CTNNA2: variants seen among roughly 807,000 people sequenced by gnomAD.
The protein encoded by CTNNA2 is catenin alpha-2.
In CTNNA2, 42 loss-of-function variants were observed where a neutral mutation model predicts 101.0. The ratio of observed to expected loss-of-function variants is 0.42; its 90% confidence interval spans 0.32 to 0.54. The LOEUF is 0.54. CTNNA2 is among the 20% of genes least tolerant of loss of function. The pLI is 0.14. For synonymous variants in CTNNA2, 450 were observed against 456.4 expected (o/e 0.99, Z 0.18); for missense variants, 871 against 1,223.1 (o/e 0.71, Z 4.29).
At chr2:80,194,223 A>G (rs1706694622) in intron 7 of CTNNA2, among the ~76,000 whole-genome samples, 1 of 152,206 alleles carries the variant, frequency 6.6e-6, no homozygotes, top group Admixed American at 6.5e-5. Flanking sequence ...GTATAAGTCA[A>G]CATACTAAAT....
chr2:79,885,253 C>T (rs745398845), intron 6 of CTNNA2, among the ~76,000 whole-genome samples: 9 of 152,154 alleles, frequency 5.9e-5, no homozygotes, highest in Non-Finnish European at 1.0e-4. Flanking sequence ...AGGAGATCTA[C>T]ACTGAAGGCT....
intron 9 of CTNNA2, among the ~76,000 whole-genome samples, chr2:80,467,134 G>A (rs1161786125): frequency 2.0e-5 from 3 of 152,158 alleles, no homozygotes; most frequent in Admixed American, 1.3e-4. Flanking sequence ...GTCTCAAAGA[G>A]GTTGTAAGTC....
intron 7 of CTNNA2, among the ~76,000 whole-genome samples, chr2:80,128,403 AGCCT>A (rs1247604299): frequency 3.9e-5 from 6 of 152,178 alleles, no homozygotes; most frequent in African/African-American, 1.4e-4. Context: ...TGACACAGCC[AGCCT>A]CTGTGAGCTC....
intron 3 of CTNNA2, among the ~76,000 whole-genome samples, chr2:79,795,299 TTTGTG>T (rs1675610003): frequency 6.6e-6 from 1 of 152,160 alleles, no homozygotes; most frequent in Non-Finnish European, 1.5e-5. Context: ...TCTTACGTAA[TTTGTG>T]TTGTGTTGAG....
chr2:80,166,462 G>C (rs1704702522), intron 7 of CTNNA2, among the ~76,000 whole-genome samples: 1 of 152,144 alleles, frequency 6.6e-6, no homozygotes, highest in African/African-American at 2.4e-5. Flanking sequence ...ACACATGGAG[G>C]GGTTGGGAGG....
At chr2:79,683,397 C>A (rs1683718678) in intron 2 of CTNNA2, among the ~76,000 whole-genome samples, 1 of 152,136 alleles carries the variant, frequency 6.6e-6, no homozygotes, top group African/African-American at 2.4e-5. Context: ...GCCTCAATTT[C>A]CCTGAAGAAG....
intron 2 of CTNNA2, among the ~76,000 whole-genome samples, chr2:79,299,405 A>T (rs1380229725): frequency 6.6e-6 from 1 of 152,210 alleles, no homozygotes; most frequent in Non-Finnish European, 1.5e-5. Flanking sequence ...GCGGCTAATA[A>T]GTTAAGAAAA....
chr2:80,467,709 G>C (rs1488195050), intron 9 of CTNNA2, among the ~76,000 whole-genome samples: 3 of 152,114 alleles, frequency 2.0e-5, no homozygotes, highest in Non-Finnish European at 4.4e-5. Context: ...CAATGTAATA[G>C]TATTAATAAT....
At chr2:80,138,411 TA>T (rs1702815141) in intron 7 of CTNNA2, among the ~76,000 whole-genome samples, 1 of 152,206 alleles carries the variant, frequency 6.6e-6, no homozygotes, top group Non-Finnish European at 1.5e-5. Flanking sequence ...GAGAGTATTG[TA>T]ATAGCACCTG....
At chr2:79,701,653 A>C (rs1301892175) in intron 2 of CTNNA2, among the ~76,000 whole-genome samples, 3 of 152,194 alleles carry the variant, frequency 2.0e-5, no homozygotes. Context: ...GGGAGACCGG[A>C]AGGCATCTCA....
At chr2:80,016,618 G>T (rs1287712073) in intron 7 of CTNNA2, among the ~76,000 whole-genome samples, 1 of 152,150 alleles carries the variant, frequency 6.6e-6, no homozygotes, top group Non-Finnish European at 1.5e-5. Flanking sequence ...TTTTCAAGTG[G>T]TTGACTTAGA....
intron 7 of CTNNA2, among the ~76,000 whole-genome samples, chr2:80,010,930 A>G (rs1168741771): frequency 3.9e-5 from 6 of 152,154 alleles, no homozygotes; most frequent in African/African-American, 1.4e-4. Context: ...GAGGGTCTCC[A>G]TATATAGATT....
chr2:79,248,646 G>C (rs902339782), intron 2 of CTNNA2, among the ~76,000 whole-genome samples: 8 of 152,116 alleles, frequency 5.3e-5, no homozygotes, highest in African/African-American at 1.9e-4. Context: ...GACTGGCCTT[G>C]CCAGTCTTCA....
At chr2:79,209,458 G>T (rs1455705747) in intron 2 of CTNNA2, among the ~76,000 whole-genome samples, 3 of 152,024 alleles carry the variant, frequency 2.0e-5, no homozygotes, top group Non-Finnish European at 4.4e-5. Context: ...TTTCTCTTTA[G>T]AACTGGTTAT....
chr2:79,250,164 T>C (rs1007697696), intron 2 of CTNNA2, among the ~76,000 whole-genome samples: 4 of 152,172 alleles, frequency 2.6e-5, no homozygotes, highest in African/African-American at 9.6e-5. Flanking sequence ...GCAATGAAGA[T>C]TAGGTATGCT....
chr2:79,239,386 T>C (rs2104252209), intron 2 of CTNNA2, among the ~76,000 whole-genome samples: 1 of 152,244 alleles, frequency 6.6e-6, no homozygotes, highest in African/African-American at 2.4e-5. Context: ...ATTTAATAAA[T>C]GGTACTGGGA....
At chr2:80,213,553 A>G (rs375844314) in intron 7 of CTNNA2, among the ~76,000 whole-genome samples, 7 of 152,164 alleles carry the variant, frequency 4.6e-5, no homozygotes, top group East Asian at 3.9e-4. Flanking sequence ...CTGAGTTCTA[A>G]TTTGATTGCA....
At chr2:80,311,567 G>A (rs140784265) in intron 7 of CTNNA2, among the ~76,000 whole-genome samples, 10 of 152,330 alleles carry the variant, frequency 6.6e-5, no homozygotes, top group African/African-American at 2.4e-4. Context: ...GGGAGTTTAC[G>A]TGGACTTAAT....
chr2:79,251,247 A>G (rs1297883424), intron 2 of CTNNA2, among the ~76,000 whole-genome samples: 2 of 152,142 alleles, frequency 1.3e-5, no homozygotes, highest in Admixed American at 1.3e-4. Flanking sequence ...AGCCACTTCC[A>G]GTTTATGCTC....
Sources: allele counts gnomAD v4.1 joint callset (sites outside exome capture counted in the v4.1 genomes callset), GRCh38; gene constraint gnomAD v4.1.1; transcripts MANE v1.5; gene names NCBI Gene and HGNC (gene_info 2026-07-23, HGNC 2026-07-21).